The following CYP3A5 variants were observed in gnomAD, a reference collection of about 807,000 sequenced individuals.
CYP3A5 encodes the protein cytochrome P450 family 3 subfamily A member 5.
A neutral mutation model predicts 55.9 loss-of-function variants in CYP3A5; 51 were observed. The observed-to-expected ratio is 0.91, with a 90% CI of 0.73 to 1.15. The LOEUF is 1.15. CYP3A5 is among the 50% of genes most tolerant of loss of function. The pLI, the probability that CYP3A5 is intolerant of heterozygous loss-of-function variation, is 0.00. For missense variants in CYP3A5, 533 were observed against 596.6 expected, an observed-to-expected ratio of 0.89 and a Z score of 1.11; for synonymous variants, 196 against 213.9, an observed-to-expected ratio of 0.92 and a Z score of 0.73.
rs766772429 is a variant in CYP3A5, at chr7:99,679,922, T to C, written c.-26A>G. ...CGCCACTTTCCTTCTTCAACTGTGT[T>C]CTGTGAGTCTTCCTTTTAGCTGAGT... On this transcript the variant is annotated 5_prime_UTR_variant, in exon 1 of 13. Coordinates refer to ENST00000222982, the MANE Select transcript of CYP3A5 (RefSeq NM_000777.5). The C allele has an allele frequency of 6.2e-6, 10 of 1,606,692 alleles. No homozygotes were observed. Among genetic ancestry groups the C allele is most frequent in the African/African-American group, 2.7e-5 (2 of 74,780 alleles).
chr7:99,652,060 CAG>C (rs911586511), intron 11 of CYP3A5, among the ~76,000 whole-genome samples: 1 of 151,864 alleles, frequency 6.6e-6, no homozygotes, highest in African/African-American at 2.4e-5. Context: ...CTGTTAAATT[CAG>C]AGAGCTAAAG....
At chr7:99,674,451 G>T in intron 3 of CYP3A5, 82 bp downstream of exon 3, 1 of 1,058,214 alleles carries the variant, frequency 9.4e-7, no homozygotes, top group Non-Finnish European at 1.4e-6. Flanking sequence ...ATCCCATGAA[G>T]ACCTGGGCAG....
chr7:99,649,139 G>T (rs1206392490), intron 12 of CYP3A5, among the ~76,000 whole-genome samples: 1 of 152,148 alleles, frequency 6.6e-6, no homozygotes, highest in African/African-American at 2.4e-5. Flanking sequence ...TGAGATGCCT[G>T]AGAGCTTGCC....
At chr7:99,669,862 C>T (rs1305959503) in intron 4 of CYP3A5, among the ~76,000 whole-genome samples, 6 of 152,024 alleles carry the variant, frequency 3.9e-5, no homozygotes, top group African/African-American at 1.4e-4. Flanking sequence ...GCTGCCCTGG[C>T]GATGGTAGGT....
At chr7:99,657,022 A>G (rs2151381554) in intron 10 of CYP3A5, among the ~76,000 whole-genome samples, 1 of 152,110 alleles carries the variant, frequency 6.6e-6, no homozygotes, top group East Asian at 1.9e-4. Context: ...TGATCTTTTC[A>G]AAAAACCAGC....
At chr7:99,654,718 T>A (rs1365684324) in intron 10 of CYP3A5, among the ~76,000 whole-genome samples, 9 of 152,326 alleles carry the variant, frequency 5.9e-5, no homozygotes, top group South Asian at 2.1e-4. Flanking sequence ...AGTGTTCCTG[T>A]TTTCTCCACA....
intron 11 of CYP3A5, among the ~76,000 whole-genome samples, chr7:99,651,725 G>C (rs1340123205): frequency 6.6e-6 from 1 of 152,218 alleles, no homozygotes; most frequent in Non-Finnish European, 1.5e-5. Flanking sequence ...TAATAATACA[G>C]TAATGGGAAA....
At chr7:99,669,000 A>C (rs924625391) in intron 4 of CYP3A5, among the ~76,000 whole-genome samples, 1 of 152,212 alleles carries the variant, frequency 6.6e-6, no homozygotes, top group Non-Finnish European at 1.5e-5. Flanking sequence ...TTATTTGATT[A>C]TTAAACCTTG....
At position 99,648,254 on chromosome 7, in the gene CYP3A5, G is replaced by A. The variant is rs1022693926; in HGVS notation, c.*51C>T. On this transcript the variant is annotated 3_prime_UTR_variant, in exon 13 of 13. Coordinates refer to ENST00000222982, the MANE Select transcript of CYP3A5 (RefSeq NM_000777.5). ...TATTGACTAAGTTGAAATCTCTGGT[G>A]TTCTGGGGCACAGCTTTCTTGAAGA... 1 of 1,593,466 alleles carries A rather than the reference G, an allele frequency of 6.3e-7. No homozygotes were observed. Among genetic ancestry groups the A allele is most frequent in the Non-Finnish European group, 8.6e-7 (1 of 1,168,582 alleles).
At chr7:99,664,249 C>T (rs1346017302) in intron 7 of CYP3A5, among the ~76,000 whole-genome samples, 154 bp from the exon 8 acceptor site, 2 of 152,132 alleles carry the variant, frequency 1.3e-5, no homozygotes, top group Non-Finnish European at 2.9e-5. Flanking sequence ...TCTTTCAGGC[C>T]GGCGACTGAG....
intron 3 of CYP3A5, among the ~76,000 whole-genome samples, chr7:99,674,004 C>G (rs918912657): frequency 2.0e-5 from 3 of 152,156 alleles, no homozygotes; most frequent in African/African-American, 7.2e-5. Flanking sequence ...TTATCAGAAC[C>G]AAAGTGATGT....
intron 2 of CYP3A5, 69 bp downstream of exon 2, chr7:99,676,045 AT>A: frequency 7.1e-7 from 1 of 1,399,988 alleles, no homozygotes; most frequent in Non-Finnish European, 1.0e-6. Context: ...AAGGAGGGGC[AT>A]TTTTACTGAT....
chr7:99,672,924 CA>C (rs1811817241), intron 3 of CYP3A5: 2 of 1,291,554 alleles, frequency 1.5e-6, no homozygotes, highest in East Asian at 6.3e-5. Flanking sequence ...TATTGAAAGA[CA>C]AAAGAGCTCT....
chr7:99,665,838 A>G (rs1212227134), intron 6 of CYP3A5, among the ~76,000 whole-genome samples: 1 of 152,164 alleles, frequency 6.6e-6, no homozygotes, highest in East Asian at 1.9e-4. Flanking sequence ...TGCTCTGGAA[A>G]ACCCCACTAT....
chr7:99,679,595 C>T (rs909635066), intron 1 of CYP3A5, among the ~76,000 whole-genome samples: 9 of 152,148 alleles, frequency 5.9e-5, no homozygotes, highest in African/African-American at 2.2e-4. Context: ...CAAATGCTGT[C>T]CCTAAACCCT....
intron 10 of CYP3A5, among the ~76,000 whole-genome samples, chr7:99,657,528 G>T (rs1809885925): frequency 6.6e-6 from 1 of 152,208 alleles, no homozygotes; most frequent in Non-Finnish European, 1.5e-5. Flanking sequence ...TGGAATAGGT[G>T]TGGTGTGGTG....
chr7:99,671,870 T>C (rs1441053182), intron 4 of CYP3A5: 6 of 702,670 alleles, frequency 8.5e-6, no homozygotes, highest in Non-Finnish European at 1.6e-5. Context: ...TGCTGGTCGT[T>C]GCACAAATCT....
intron 11 of CYP3A5, among the ~76,000 whole-genome samples, chr7:99,651,605 A>T (rs1026221498): frequency 1.3e-4 from 20 of 152,224 alleles, no homozygotes; most frequent in African/African-American, 4.6e-4. Flanking sequence ...GACCAACAAG[A>T]CAAGGTTCCT....
chr7:99,651,614 C>T (rs41303946), intron 11 of CYP3A5, among the ~76,000 whole-genome samples: 2,608 of 152,296 alleles, frequency 0.017, 84 homozygotes, highest in African/African-American at 0.058. Flanking sequence ...GACAAGGTTC[C>T]TCCCATCAGC....
Sources: allele counts gnomAD v4.1 joint callset (sites outside exome capture counted in the v4.1 genomes callset), GRCh38; gene constraint gnomAD v4.1.1; transcripts MANE v1.5; gene names NCBI Gene and HGNC (gene_info 2026-07-23, HGNC 2026-07-21).